The following POMT2 variants were observed in gnomAD, a reference collection of about 807,000 sequenced individuals.
POMT2 encodes protein O-mannosyltransferase 2, also known as protein O-mannosyl-transferase 2.
In POMT2, 75 loss-of-function variants were observed where a neutral mutation model predicts 100.0. That is an observed-to-expected ratio of 0.75 (90% CI 0.62 to 0.91). POMT2 has a LOEUF of 0.91. POMT2 is among the 40% of genes least tolerant of loss of function. POMT2 has a pLI of 0.00. For synonymous variants in POMT2, 378 were observed against 374.1 expected (o/e 1.01, Z -0.12); for missense variants, 940 against 955.1 (o/e 0.98, Z 0.21).
chr14:77,290,299 A>G (rs897913550), intron 10 of POMT2, among the ~76,000 whole-genome samples: 6 of 152,234 alleles, frequency 3.9e-5, no homozygotes, highest in African/African-American at 1.4e-4. Flanking sequence ...GTGATAGAAC[A>G]CTCACGTTTG....
In POMT2 at chr14:77,276,974, C is replaced by T. The variant is rs145688924; in HGVS notation, c.*402G>A. The T allele has an allele frequency of 1.6e-5, 3 of 182,942 alleles. No individual in the cohort carries two copies. Among genetic ancestry groups the T allele is most frequent in the African/African-American group, 7.0e-5 (3 of 42,896 alleles). 11.3% of individuals were successfully genotyped at this position (182,942 alleles called of 1,614,324 possible). A position where few individuals can be genotyped will look rare whatever the true frequency, so the allele number is the denominator to read the frequency against. On this transcript the variant is annotated 3_prime_UTR_variant, in exon 21 of 21. Coordinates refer to ENST00000261534, the MANE Select transcript of POMT2 (RefSeq NM_013382.7). ...AAAGAAATCCAACAGAAAAAAATAC[C>T]AGAAAATATTACTATAGCCTGGACT...
intron 2 of POMT2, among the ~76,000 whole-genome samples, chr14:77,307,093 T>G (rs1412547727): frequency 6.6e-6 from 1 of 152,250 alleles, no homozygotes; most frequent in Non-Finnish European, 1.5e-5. Context: ...CTTCAAAACC[T>G]TTGACAAGAT....
intron 2 of POMT2, among the ~76,000 whole-genome samples, chr14:77,310,696 C>T (rs1891406586): frequency 6.6e-6 from 1 of 152,188 alleles, no homozygotes; most frequent in Non-Finnish European, 1.5e-5. Context: ...CCCCCAAGTA[C>T]TACCTGCTCC....
At chr14:77,303,036 C>T in intron 4 of POMT2, 93 bp from the exon 5 acceptor site, 3 of 931,876 alleles carry the variant, frequency 3.2e-6, no homozygotes, top group Non-Finnish European at 5.1e-6. Context: ...GTCCCTCTTG[C>T]CACTTAATTG....
In POMT2 at chr14:77,311,961, C is replaced by A; in HGVS notation, c.321G>T (p.Pro107=). The change falls in exon 2 of 21, where the codon CCG becomes CCT. Residue 107 remains proline, a synonymous_variant. Transcript: ENST00000261534. ...CCACACTGCTCACCTTTCCCAGGGG[C>A]GGGTGCACATCAAAGAAAAATGTAC... ...INRTFFFDVH[P]PLGKMLIGLA... 1 of 1,613,946 alleles carries A rather than the reference C, an allele frequency of 6.2e-7. No homozygotes were observed. Among genetic ancestry groups the A allele is most frequent in the Non-Finnish European group, 8.5e-7 (1 of 1,179,926 alleles).
intron 1 of POMT2, among the ~76,000 whole-genome samples, chr14:77,317,202 C>A (rs916534366): frequency 6.6e-6 from 1 of 152,128 alleles, no homozygotes; most frequent in Non-Finnish European, 1.5e-5. Context: ...GTAAAGGAAG[C>A]CACATTGCAA....
chr14:77,310,569 C>A (rs1047741075), intron 2 of POMT2, among the ~76,000 whole-genome samples: 1 of 152,152 alleles, frequency 6.6e-6, no homozygotes, highest in African/African-American at 2.4e-5. Flanking sequence ...CATCCCTCCA[C>A]GCTGTAGGGC....
In POMT2 at chr14:77,320,479, G is replaced by A. The variant is rs749131149; in HGVS notation, c.203C>T (p.Ser68Phe). The A allele has an allele frequency of 1.3e-6, 2 of 1,545,498 alleles. No individual in the cohort carries two copies. The highest frequency in any genetic ancestry group is 8.7e-7 in the Non-Finnish European group (1 of 1,147,670). ...CAAGCGGTGGAAGCGGGTGGCGAAG[G>A]ACAGCAGCGTCACCAAGGCCAGCAG... ...WALLALVTLL[S>F]FATRFHRLDE... Residue 68 changes from serine (S) to phenylalanine (F), a missense_variant, in exon 1 of 21, where the codon TCC becomes TTC. By Grantham distance (155) the Ser-to-Phe change is radical (BLOSUM62 -2). Transcript: ENST00000261534.
Position 77,320,777 on chromosome 14 carries a change from C to T in POMT2, c.-96G>A. On this transcript the variant is annotated 5_prime_UTR_variant, in exon 1 of 21. Transcript: ENST00000261534. ...TCACAAGAGGGCAGCTCGGGGTACCCCGGGAAATGCAACGCCCTTCACTGC... is the reference window on the plus strand; with the variant it reads ...TCACAAGAGGGCAGCTCGGGGTACCTCGGGAAATGCAACGCCCTTCACTGC... 3 of 1,495,646 alleles carry T rather than the reference C, an allele frequency of 2.0e-6. No homozygotes were observed. Among genetic ancestry groups the T allele is most frequent in the East Asian group, 2.5e-5 (1 of 40,696 alleles). The allele number at this position is 1,495,646 out of a possible 1,614,324, so 92.6% of individuals were successfully genotyped here. A position where few individuals can be genotyped will look rare whatever the true frequency, so the allele number is the denominator to read the frequency against.
intron 9 of POMT2, among the ~76,000 whole-genome samples, chr14:77,295,564 G>A (rs537614442): frequency 2.8e-4 from 42 of 151,136 alleles, no homozygotes; most frequent in African/African-American, 1.0e-3. Flanking sequence ...CCCGGGAGGC[G>A]GAGTTTGCAG....
chr14:77,308,268 T>C (rs1360336675), intron 2 of POMT2, among the ~76,000 whole-genome samples: 1 of 151,338 alleles, frequency 6.6e-6, no homozygotes, highest in African/African-American at 2.4e-5. Context: ...GGCTAACATA[T>C]GAAAAAATGT....
At chr14:77,320,223 C>A (rs917067272) in intron 1 of POMT2, 17 of 769,850 alleles carry the variant, frequency 2.2e-5, no homozygotes, top group Non-Finnish European at 3.4e-5. Flanking sequence ...TCCTCAGATA[C>A]TAAGAATCCC....
chr14:77,282,055 T>G (rs1019721410), intron 15 of POMT2, among the ~76,000 whole-genome samples: 30 of 152,174 alleles, frequency 2.0e-4, no homozygotes, highest in African/African-American at 6.8e-4. Flanking sequence ...CCAGCGTCAC[T>G]GCGGCCCTTT....
chr14:77,277,798 T>C (rs1424082685), intron 20 of POMT2, among the ~76,000 whole-genome samples: 2 of 152,206 alleles, frequency 1.3e-5, no homozygotes, highest in African/African-American at 2.4e-5. Context: ...GGCAGGCATG[T>C]GCTCACAGGC....
intron 6 of POMT2, chr14:77,299,879 C>T (rs111784021): frequency 5.7e-5 from 21 of 368,212 alleles, no homozygotes; most frequent in African/African-American, 3.4e-4. Flanking sequence ...GTTCCAGGTA[C>T]ACTAACCTCC....
intron 1 of POMT2, among the ~76,000 whole-genome samples, chr14:77,315,683 C>T (rs1354720111): frequency 1.3e-5 from 2 of 152,322 alleles, no homozygotes; most frequent in South Asian, 4.1e-4. Flanking sequence ...AAATCTACAT[C>T]CCTGGAAGGG....
rs794727871 is a variant in POMT2, at chr14:77,299,494, G to A, written c.884C>T (p.Thr295Ile). The change falls in exon 7 of 21, where the codon ACA becomes ATA. Residue 295 changes from threonine (T) to isoleucine (I), a missense_variant. Transcript: ENST00000261534. ...CATGAAGTGAACAGCAAAGGTGGCT[G>A]TATAGAGAGCCAGGGGCAGCACTAT... ...CLIVLPLALY[T>I]ATFAVHFMVL... The A allele has an allele frequency of 6.2e-7, 1 of 1,614,148 alleles. No homozygotes were observed. The highest frequency in any genetic ancestry group is 8.5e-7 in the Non-Finnish European group (1 of 1,179,994).
intron 18 of POMT2, chr14:77,279,476 G>A (rs1327358364): frequency 2.0e-6 from 1 of 489,486 alleles, no homozygotes; most frequent in Non-Finnish European, 4.0e-6. Flanking sequence ...ACAGCATGGG[G>A]CTAAAAGTGA....
chr14:77,280,458 G>A lies in POMT2; in HGVS notation c.1659C>T (p.Asn553=), dbSNP rs534663839. 8 of 1,614,234 alleles carry A rather than the reference G, an allele frequency of 5.0e-6. No homozygotes were observed. Among genetic ancestry groups the A allele is most frequent in the African/African-American group, 4.0e-5 (3 of 75,062 alleles). Reference sequence around the variant, plus strand: ...CATTGTCCTTGGGTTTGAGGCCACTGTTCCCCTGCATGAAGGTAGCAAAGA... The same window carrying A: ...CATTGTCCTTGGGTTTGAGGCCACTATTCCCCTGCATGAAGGTAGCAAAGA... The part of the protein sequence containing the change: ...LESHMVMIRG[N]SGLKPKDNEF... Residue 553 remains asparagine (N), a synonymous_variant, in exon 16 of 21, where the codon AAC becomes AAT. Coordinates refer to ENST00000261534, the MANE Select transcript of POMT2 (RefSeq NM_013382.7).
Sources: allele counts gnomAD v4.1 joint callset (sites outside exome capture counted in the v4.1 genomes callset), GRCh38; gene constraint gnomAD v4.1.1; transcripts MANE v1.5; gene names NCBI Gene and HGNC (gene_info 2026-07-23, HGNC 2026-07-21).